Variants in GOSR1 observed in about 807,000 individuals in gnomAD.
GOSR1 encodes the protein golgi SNAP receptor complex member 1.
Under a neutral mutation model 35.5 loss-of-function variants are expected in GOSR1, and 21 were observed. The observed-to-expected ratio is 0.59, with a 90% CI of 0.42 to 0.85. The LOEUF is 0.85. Among genes scored for constraint, GOSR1 ranks in the 40% least tolerant of loss-of-function variants. The pLI, the probability that GOSR1 is intolerant of heterozygous loss-of-function variation, is 0.00. For missense variants in GOSR1, 285 were observed against 309.6 expected (o/e 0.92, Z 0.60); for synonymous variants, 94 against 106.6 (o/e 0.88, Z 0.73).
intron 2 of GOSR1, among the ~76,000 whole-genome samples, chr17:30,482,326 A>G (rs1260627051): frequency 6.6e-6 from 1 of 152,116 alleles, no homozygotes; most frequent in African/African-American, 2.4e-5. Context: ...CAGTTTAACC[A>G]TTTGATGATG....
chr17:30,521,844 A>G (rs749397625), intron 8 of GOSR1, among the ~76,000 whole-genome samples: 7 of 152,078 alleles, frequency 4.6e-5, no homozygotes, highest in African/African-American at 7.2e-5. Context: ...GAAAATGAGG[A>G]AAGGGAGGGA....
chr17:30,480,321 GAAAA>G (rs887787347), intron 1 of GOSR1: 6 of 147,412 alleles, frequency 4.1e-5, no homozygotes, highest in African/African-American at 1.5e-4. Context: ...AAAAAAAAAA[GAAAA>G]AAAAAGGTAA....
rs1046078601 is a variant in GOSR1 at position 30,524,672 on chromosome 17, A to G, written c.*2294A>G. Reference sequence around the variant, plus strand: ...TGCTCCTCCTCATACCAGCATTGACACTGGTAGCTGAGGAAGGGGACTGCT... The same window carrying G: ...TGCTCCTCCTCATACCAGCATTGACGCTGGTAGCTGAGGAAGGGGACTGCT... On this transcript the variant is annotated 3_prime_UTR_variant, in exon 9 of 9. Coordinates refer to ENST00000451249, the MANE Select transcript of GOSR1 (RefSeq NM_001007025.2). 15 of 152,282 alleles carry G rather than the reference A, an allele frequency of 9.9e-5. No individual in the cohort carries two copies. Among genetic ancestry groups the G allele is most frequent in the African/African-American group, 3.6e-4 (15 of 41,544 alleles). 9.4% of individuals were successfully genotyped at this position (152,282 alleles called of 1,614,324 possible).
At position 30,493,496 on chromosome 17, in the gene GOSR1, A is replaced by C. The variant is rs531120685; in HGVS notation, c.509+743A>C. On this transcript the variant is annotated intron_variant, in intron 6 of 8. Coordinates refer to ENST00000451249, the MANE Select transcript of GOSR1 (RefSeq NM_001007025.2). ...ATTACAAATACTTGCTAGGTAATAA[A>C]ATAACATTAAAATTATCAGTAAAAT... 1.5e-3 allele frequency among the ~76,000 whole-genome samples: 230 copies of C among 152,328 alleles called. 1 individual carries two copies. The highest frequency in any genetic ancestry group is 3.4e-3 in the Middle Eastern group (1 of 294).
At chr17:30,484,908 G>A (rs1464554294) in intron 4 of GOSR1, 138 bp downstream of exon 4, 1 of 685,684 alleles carries the variant, frequency 1.5e-6, no homozygotes, top group African/African-American at 1.8e-5. Flanking sequence ...CATGCTAAAG[G>A]GACTTGTTTT....
intron 4 of GOSR1, 141 bp downstream of exon 4, chr17:30,484,911 C>CT: frequency 1.5e-6 from 1 of 679,662 alleles, no homozygotes; most frequent in Non-Finnish European, 2.7e-6. Context: ...GCTAAAGGGA[C>CT]TTGTTTTACT....
At chr17:30,510,052 G>A (rs949077199) in intron 6 of GOSR1, among the ~76,000 whole-genome samples, 7 of 152,118 alleles carry the variant, frequency 4.6e-5, no homozygotes, top group African/African-American at 1.4e-4. Context: ...TTAAGCTAAC[G>A]AAAGTGAGAT....
rs142783176 is a variant in GOSR1 at position 30,510,079 on chromosome 17, G to C, written c.510-801G>C. Among the ~76,000 whole-genome samples, 377 of 152,212 alleles carry C rather than the reference G, an allele frequency of 2.5e-3. 1 individual carries two copies. Among genetic ancestry groups the C allele is most frequent in the African/African-American group, 8.7e-3 (363 of 41,532 alleles). On this transcript the variant is annotated intron_variant, in intron 6 of 8. Coordinates refer to ENST00000451249, the MANE Select transcript of GOSR1 (RefSeq NM_001007025.2). ...AAGTGAGATAGAAATTATTTGTTTG[G>C]AGTTTTTTTGAGACAGAGTCTTGCT...
At chr17:30,520,954 G>A (rs894997838) in intron 8 of GOSR1, among the ~76,000 whole-genome samples, 1 of 151,364 alleles carries the variant, frequency 6.6e-6, no homozygotes, top group Non-Finnish European at 1.5e-5. Flanking sequence ...ACTAAACTAT[G>A]AACTCAATTG....
At chr17:30,495,543 C>T (rs1966964228) in intron 6 of GOSR1, 1 of 391,720 alleles carries the variant, frequency 2.6e-6, no homozygotes, top group South Asian at 1.8e-5. Flanking sequence ...AGATCAGTCA[C>T]CTTTTACCCA....
intron 6 of GOSR1, among the ~76,000 whole-genome samples, chr17:30,500,330 A>G (rs1967155657): frequency 6.6e-6 from 1 of 151,976 alleles, no homozygotes; most frequent in African/African-American, 2.4e-5. Flanking sequence ...TTGTTTTTAA[A>G]CCTGCAGCCA....
chr17:30,522,702 C>T lies in GOSR1; in HGVS notation c.*324C>T, dbSNP rs1968081311. 2 of 178,876 alleles carry T rather than the reference C, an allele frequency of 1.1e-5. No individual in the cohort carries two copies. The highest frequency in any genetic ancestry group is 2.3e-5 in the Non-Finnish European group (2 of 86,176). The allele number at this position is 178,876 out of a possible 1,614,324, so 11.1% of individuals were successfully genotyped here. A position where few individuals can be genotyped will look rare whatever the true frequency, so the allele number is the denominator to read the frequency against. ...CCATGATAGTGTTGAAGCCTAATGA[C>T]AAGCCAGGTCTTACAGCTGGGCTCT... On this transcript the variant is annotated 3_prime_UTR_variant, in exon 9 of 9. Transcript: ENST00000451249.
At chr17:30,484,616 A>G in intron 3 of GOSR1, 47 bp from the exon 4 acceptor site, 1 of 1,039,408 alleles carries the variant, frequency 9.6e-7, no homozygotes, top group Non-Finnish European at 1.4e-6. Context: ...AGCTGTTTAT[A>G]GTGCTTAGTA....
At chr17:30,482,275 A>G (rs1914407517) in intron 2 of GOSR1, among the ~76,000 whole-genome samples, 3 of 152,098 alleles carry the variant, frequency 2.0e-5, no homozygotes, top group Non-Finnish European at 1.5e-5. Flanking sequence ...TAACTCTGGT[A>G]TATTCATTTG....
At chr17:30,509,551 A>G (rs1967538804) in intron 6 of GOSR1, among the ~76,000 whole-genome samples, 1 of 152,256 alleles carries the variant, frequency 6.6e-6, no homozygotes, top group Non-Finnish European at 1.5e-5. Context: ...GGAAAAATAC[A>G]TGCAGATATT....
At position 30,479,958 on chromosome 17, in the gene GOSR1, AAAAG is replaced by A. The variant is rs1010456163; in HGVS notation, c.32-1177_32-1174del. On this transcript the variant is annotated intron_variant, in intron 1 of 8. Transcript: ENST00000451249. ...ATTGTGAGAAAAAACAGAAAAGAAA[AAAAG>A]AAAGAAAAAGGCAATTTTTGTGGTA... The A allele has an allele frequency of 3.9e-5, 6 of 152,154 alleles. No individual in the cohort carries two copies. The East Asian group carries it at 5.8e-4, about 15-fold the overall frequency. The allele number at this position is 152,154 out of a possible 1,614,324, so 9.4% of individuals were successfully genotyped here. A position where few individuals can be genotyped will look rare whatever the true frequency, so the allele number is the denominator to read the frequency against.
chr17:30,510,894 TAGAAG>T lies in GOSR1; in HGVS notation c.528_532del (p.Glu176AspfsTer125). 1 of 1,550,742 alleles carries T rather than the reference TAGAAG, an allele frequency of 6.4e-7. No homozygotes were observed. Among genetic ancestry groups the T allele is most frequent in the Non-Finnish European group, 8.9e-7 (1 of 1,126,250 alleles). Reference sequence around the variant, plus strand: ...TTTATTTGCAGCTCAGATCGTCTGATAGAAGAGACAATAAGGTAGGAATAAGTTTT... The same window carrying T: ...TTTATTTGCAGCTCAGATCGTCTGATAGACAATAAGGTAGGAATAAGTTTT... On this transcript the variant is annotated frameshift_variant, in exon 7 of 9. Transcript: ENST00000451249. LOFTEE classifies it high-confidence loss of function.
chr17:30,513,922 G>T lies in GOSR1; in HGVS notation c.539+3013G>T, dbSNP rs537395304. On this transcript the variant is annotated intron_variant, in intron 7 of 8. Transcript: ENST00000451249. ...GTGCTACTGCAGCCGTGCCTGCATG[G>T]CACAGTGAGGCCGTGTCTCAAAAAA... 3.3e-5 allele frequency among the ~76,000 whole-genome samples: 5 copies of T among 152,310 alleles called. No homozygotes were observed. In the East Asian group the frequency reaches 9.6e-4, roughly 29 times the overall value.
At chr17:30,507,388 A>T (rs1156769848) in intron 6 of GOSR1, among the ~76,000 whole-genome samples, 1 of 152,182 alleles carries the variant, frequency 6.6e-6, no homozygotes, top group Non-Finnish European at 1.5e-5. Flanking sequence ...ATAACTGCGG[A>T]TGTGGCAGAA....
Sources: gnomAD v4.1 joint callset for allele counts (sites outside exome capture counted in the v4.1 genomes callset) on GRCh38, gnomAD v4.1.1 for gene constraint, MANE v1.5 for transcripts, NCBI Gene and HGNC (gene_info 2026-07-23, HGNC 2026-07-21) for gene names.